Variants in SLC30A7 observed in about 807,000 individuals in gnomAD.
The protein encoded by SLC30A7 is solute carrier family 30 member 7, also known as zinc transporter 7.
SLC30A7 carries 35 observed loss-of-function variants against 46.0 expected under a neutral mutation model. The ratio of observed to expected loss-of-function variants is 0.76; its 90% CI spans 0.58 to 1.01. The LOEUF is 1.01. Among genes scored for constraint, SLC30A7 ranks in the 50% least tolerant of loss-of-function variants. SLC30A7 has a pLI of 0.00. For synonymous variants in SLC30A7, 147 were observed against 157.8 expected, an observed-to-expected ratio of 0.93 and a Z score of 0.51; for missense variants, 464 against 451.1, an observed-to-expected ratio of 1.03 and a Z score of -0.26.
rs756030450 is a variant in SLC30A7 at position 100,896,593 on chromosome 1, C to A, written c.104C>A (p.Ser35Tyr). Residue 35 changes from serine (S) to tyrosine (Y), a missense_variant, in exon 2 of 11, where the codon TCC (serine) becomes TAC (tyrosine). Ser to Tyr is a moderately radical substitution (Grantham distance 144). Transcript: ENST00000357650. ...WFRSILSDKT[S>Y]RNLFFFLCLN... ...AGGTCTATACTGTCCGACAAGACTT[C>A]CCGGAACCTGTTTTTCTTCCTGTGC... 6.2e-7 allele frequency: 1 copy of A among 1,614,144 alleles called. No individual in the cohort carries two copies. Among genetic ancestry groups the A allele is most frequent in the South Asian group, 1.1e-5 (1 of 91,068 alleles).
At chr1:100,909,269 G>A (rs1651922996) in intron 3 of SLC30A7, among the ~76,000 whole-genome samples, 1 of 152,094 alleles carries the variant, frequency 6.6e-6, no homozygotes, top group Admixed American at 6.6e-5. Context: ...GTAGCTGACT[G>A]ACTCTGCAAT....
intron 8 of SLC30A7, among the ~76,000 whole-genome samples, chr1:100,956,108 A>T (rs1267128705): frequency 6.6e-6 from 1 of 152,122 alleles, no homozygotes; most frequent in Non-Finnish European, 1.5e-5. Context: ...AAAAAGAGAT[A>T]AAAATGCACT....
chr1:100,993,779 T>C, the SLC30A7 span, among the ~76,000 whole-genome samples: 1 of 151,502 alleles, frequency 6.6e-6, no homozygotes, highest in Admixed American at 6.6e-5. Flanking sequence ...TCTCACTCTG[T>C]TGCCCAGGCT....
At chr1:100,982,346 G>A (rs748327716), downstream of SLC30A7, among the ~76,000 whole-genome samples, 14 of 152,108 alleles carry the variant, frequency 9.2e-5, no homozygotes, top group South Asian at 2.1e-4. Context: ...CATTTCCATA[G>A]CTCCTAGTAG....
At chr1:100,970,463 C>T (rs568723903) in intron 10 of SLC30A7, among the ~76,000 whole-genome samples, 2 of 151,992 alleles carry the variant, frequency 1.3e-5, no homozygotes, top group African/African-American at 2.4e-5. Flanking sequence ...GCTTGCTGTA[C>T]GTGAATATAA....
intron 2 of SLC30A7, among the ~76,000 whole-genome samples, chr1:100,905,339 T>G (rs1306906251): frequency 6.6e-6 from 1 of 152,088 alleles, no homozygotes; most frequent in Non-Finnish European, 1.5e-5. Flanking sequence ...TTTCAAAGAT[T>G]TTTTTATTTC....
At chr1:100,912,910 G>A (rs1209993958) in intron 5 of SLC30A7, among the ~76,000 whole-genome samples, 1 of 151,374 alleles carries the variant, frequency 6.6e-6, no homozygotes, top group Non-Finnish European at 1.5e-5. Flanking sequence ...TTTATGAAAT[G>A]TACTATGTAA....
chr1:100,986,612 T>C (rs1657282730), downstream of SLC30A7, among the ~76,000 whole-genome samples: 1 of 152,202 alleles, frequency 6.6e-6, no homozygotes, highest in Non-Finnish European at 1.5e-5. Context: ...GCAATCCCTC[T>C]GGATAAAATA....
chr1:100,921,817 T>G lies in SLC30A7; in HGVS notation c.818T>G (p.Leu273Arg). Residue 273 changes from leucine to arginine, a missense_variant, in exon 8 of 11, where the codon CTT becomes CGT. Physicochemically the swap from Leu to Arg is moderately radical, Grantham distance 102. Coordinates refer to ENST00000357650, the MANE Select transcript of SLC30A7 (RefSeq NM_133496.5). ...LMIADPICSI[L>R]IAILIVVSVI... ...ATAGCAGATCCTATCTGTTCAATTC[T>G]TATAGCCATTCTTATAGTTGTAAGG... 2.5e-6 allele frequency: 4 copies of G among 1,612,994 alleles called. No individual in the cohort carries two copies. The highest frequency in any genetic ancestry group is 3.4e-6 in the Non-Finnish European group (4 of 1,179,664).
the SLC30A7 span, among the ~76,000 whole-genome samples, chr1:100,991,088 T>C: frequency 1.3e-5 from 2 of 152,138 alleles, no homozygotes; most frequent in African/African-American, 2.4e-5. Flanking sequence ...AGCTGTGTGA[T>C]AAACTTCAGT....
At position 100,912,328 on chromosome 1, in the gene SLC30A7, A is replaced by T; in HGVS notation, c.511+90A>T. The stretch of plus-strand genomic sequence containing the variant: ...GAGAGAATTAAGTTAAACTATACTG[A>T]TTTCTGATGTCAACAGACTATGTGA... On this transcript the variant is annotated intron_variant, in intron 5 of 10. Coordinates refer to ENST00000357650, the MANE Select transcript of SLC30A7 (RefSeq NM_133496.5). 7.2e-6 allele frequency: 10 copies of T among 1,393,138 alleles called. No homozygotes were observed. The South Asian group carries it at 9.2e-5, about 13-fold the overall frequency. The allele number at this position is 1,393,138 out of a possible 1,614,324, so 86.3% of individuals were successfully genotyped here. A position where few individuals can be genotyped will look rare whatever the true frequency, so the allele number is the denominator to read the frequency against.
the SLC30A7 span, chr1:100,995,956 T>C: frequency 4.6e-5 from 7 of 152,232 alleles, no homozygotes; most frequent in Non-Finnish European, 1.0e-4. Flanking sequence ...GAGGAGTCTT[T>C]AATAGACTTA....
chr1:100,965,355 T>C (rs1655804478), intron 9 of SLC30A7, among the ~76,000 whole-genome samples: 1 of 152,252 alleles, frequency 6.6e-6, no homozygotes, highest in South Asian at 2.1e-4. Context: ...ATCTGTCTTT[T>C]TCCTGATCTT....
At chr1:100,953,551 C>CTAA (rs1466035438) in intron 8 of SLC30A7, among the ~76,000 whole-genome samples, 1 of 152,166 alleles carries the variant, frequency 6.6e-6, no homozygotes, top group African/African-American at 2.4e-5. Context: ...GCAGATTTGC[C>CTAA]TAAAGAGCTT....
chr1:100,988,300 C>T, the SLC30A7 span, among the ~76,000 whole-genome samples: 1 of 152,108 alleles, frequency 6.6e-6, no homozygotes, highest in East Asian at 1.9e-4. Context: ...CTGGGAAAGA[C>T]CGAAGGGGAA....
chr1:100,943,036 G>A (rs1257268076), intron 8 of SLC30A7, among the ~76,000 whole-genome samples: 1 of 152,146 alleles, frequency 6.6e-6, no homozygotes, highest in Admixed American at 6.6e-5. Context: ...AGTTCCAACA[G>A]CTTAGATTTT....
chr1:100,974,825 C>T lies in SLC30A7; in HGVS notation c.1099C>T (p.Leu367Phe). ...NIFTQAGVRQ[L>F]YVQIDFAAM ...TACTTTTCAGGCTGGAGTGAGACAG[C>T]TCTACGTACAGATTGACTTTGCAGC... Residue 367 changes from leucine (L) to phenylalanine (F), a missense_variant, in exon 11 of 11, where the codon CTC becomes TTC. Leu to Phe is a conservative substitution (Grantham distance 22). Transcript: ENST00000357650. 2 of 1,595,556 alleles carry T rather than the reference C, an allele frequency of 1.3e-6. No individual in the cohort carries two copies.
Position 100,911,051 on chromosome 1 carries a change from G to C in SLC30A7, c.297-12G>C. 6.3e-7 allele frequency: 1 copy of C among 1,584,512 alleles called. No individual in the cohort carries two copies. The highest frequency in any genetic ancestry group is 8.6e-7 in the Non-Finnish European group (1 of 1,157,512). ...ACATAATAATTCAGTTATTTACTTT[G>C]TTCCTCTTTAGGTATGTTAGAGCGG... is the stretch of plus-strand genomic sequence containing the variant. On this transcript the variant is annotated splice_polypyrimidine_tract_variant and intron_variant, in intron 3 of 10. Coordinates refer to ENST00000357650, the MANE Select transcript of SLC30A7 (RefSeq NM_133496.5).
chr1:100,930,105 G>A (rs1261256570), intron 8 of SLC30A7, among the ~76,000 whole-genome samples: 1 of 151,848 alleles, frequency 6.6e-6, no homozygotes, highest in Non-Finnish European at 1.5e-5. Context: ...GCAGGATATA[G>A]AAATATACTT....
Sources: allele counts gnomAD v4.1 joint callset (sites outside exome capture counted in the v4.1 genomes callset), GRCh38; gene constraint gnomAD v4.1.1; transcripts MANE v1.5; gene names NCBI Gene and HGNC (gene_info 2026-07-23, HGNC 2026-07-21).